Variants in LRRC7 observed in about 807,000 individuals in gnomAD.
The protein encoded by LRRC7 is leucine-rich repeat-containing protein 7.
In LRRC7, 23 loss-of-function variants were observed where a neutral mutation model predicts 175.7. The observed-to-expected ratio is 0.13, with a 90% CI of 0.09 to 0.19. LRRC7 has a LOEUF of 0.19. Ranked by LOEUF, LRRC7 falls within the 10% of genes least tolerant of loss-of-function variation. The pLI is 1.00. For synonymous variants in LRRC7, 685 were observed against 680.9 expected, an observed-to-expected ratio of 1.01 and a Z score of -0.09; for missense variants, 1,354 against 1,904.7, an observed-to-expected ratio of 0.71 and a Z score of 5.38.
chr1:69,669,528 T>C (rs1658753995), intron 1 of LRRC7, among the ~76,000 whole-genome samples: 1 of 152,226 alleles, frequency 6.6e-6, no homozygotes, highest in African/African-American at 2.4e-5. Context: ...GGGAGTTTGA[T>C]TATTAAATGA....
At chr1:69,640,383 G>A (rs1264403) in intron 1 of LRRC7, among the ~76,000 whole-genome samples, 31,105 of 151,396 alleles carry the variant, frequency 0.21, 3,898 homozygotes, top group South Asian at 0.29. Flanking sequence ...TTTGACTTGT[G>A]TAATAGATAC....
chr1:69,821,614 G>T (rs183947447), intron 4 of LRRC7, among the ~76,000 whole-genome samples: 8 of 152,104 alleles, frequency 5.3e-5, no homozygotes, highest in Admixed American at 5.3e-4. Flanking sequence ...AGAAAATTGT[G>T]TTCACATGGT....
At chr1:70,045,743 A>G (rs1259463064) in intron 22 of LRRC7, among the ~76,000 whole-genome samples, 1 of 152,160 alleles carries the variant, frequency 6.6e-6, no homozygotes, top group Non-Finnish European at 1.5e-5. Context: ...ACAGTTCCAC[A>G]TGGCTGGGGG....
intron 1 of LRRC7, among the ~76,000 whole-genome samples, chr1:69,591,541 C>T (rs1002929696): frequency 1.3e-5 from 2 of 152,078 alleles, no homozygotes; most frequent in East Asian, 1.9e-4. Context: ...CGATAGCTTC[C>T]GTGATGGATT....
chr1:69,869,140 A>G (rs12564295), intron 7 of LRRC7, among the ~76,000 whole-genome samples: 57,574 of 151,822 alleles, frequency 0.38, 12,943 homozygotes, highest in East Asian at 0.55. Context: ...GTTAAATTTC[A>G]TTTGGTAATC....
At chr1:69,919,790 G>C (rs895123476) in intron 7 of LRRC7, 7 of 858,522 alleles carry the variant, frequency 8.2e-6, no homozygotes, top group Admixed American at 2.0e-5. Flanking sequence ...GGAGATGAGC[G>C]GGACAGTGTT....
rs1216774297 is a variant in LRRC7 at position 70,013,083 on chromosome 1, A to G, written c.1244A>G (p.Asp415Gly). 1.3e-6 allele frequency: 2 copies of G among 1,541,314 alleles called. No individual in the cohort carries two copies. The highest frequency in any genetic ancestry group is 1.9e-5 in the Admixed American group (1 of 53,948). The stretch of plus-strand genomic sequence containing the variant: ...AAACTAAGAGTCCTAAATTTGAGTG[A>G]CAACAGGTATTTTTGCAACATTTCA... ...MQKLRVLNLS[D>G]NRLKNLPFSF... is the part of the protein sequence containing the mutation. The change falls in exon 13 of 27, where the codon GAC (aspartate) becomes GGC (glycine). Residue 415 changes from aspartate to glycine, a missense_variant. By Grantham distance (94) the Asp-to-Gly change is moderately conservative. This residue lies in a region of LRRC7 where 201 missense variants were observed against 481.4 expected (regional missense o/e 0.42). Coordinates refer to ENST00000651989, the MANE Select transcript of LRRC7 (RefSeq NM_001370785.2).
intron 2 of LRRC7, among the ~76,000 whole-genome samples, chr1:69,679,728 C>T (rs1570322582): frequency 6.6e-6 from 1 of 152,024 alleles, no homozygotes; most frequent in Admixed American, 6.6e-5. Flanking sequence ...GTCTCTGGTA[C>T]AGTTCTGTAA....
At position 69,761,704 on chromosome 1, in the gene LRRC7, T is replaced by C. The variant is rs2100944163; in HGVS notation, c.303+1311T>C. The stretch of plus-strand genomic sequence containing the variant: ...AGCCTGGAGTGAAATAGACTGTCTG[T>C]TGTACCAGATGAGGAACTACTTAAG... On this transcript the variant is annotated intron_variant, in intron 3 of 26. Transcript: ENST00000651989. Among the ~76,000 whole-genome samples, 2 of 152,088 alleles carry C rather than the reference T, an allele frequency of 1.3e-5. 1 individual carries two copies. Among genetic ancestry groups the C allele is most frequent in the South Asian group, 4.1e-4 (2 of 4,826 alleles).
At chr1:69,766,080 G>GA (rs1200050795) in intron 3 of LRRC7, among the ~76,000 whole-genome samples, 1 of 151,456 alleles carries the variant, frequency 6.6e-6, no homozygotes, top group East Asian at 1.9e-4. Flanking sequence ...CAATTGCAGA[G>GA]AAAAAAATAT....
intron 7 of LRRC7, among the ~76,000 whole-genome samples, chr1:69,921,859 AC>A (rs1646897797): frequency 6.6e-6 from 1 of 152,144 alleles, no homozygotes; most frequent in African/African-American, 2.4e-5. Context: ...GTGCTTACCT[AC>A]ATATTATTTC....
chr1:69,882,343 C>G (rs1481129151), intron 7 of LRRC7, among the ~76,000 whole-genome samples: 1 of 152,144 alleles, frequency 6.6e-6, no homozygotes, highest in Non-Finnish European at 1.5e-5. Flanking sequence ...TATGATCCAG[C>G]AATTCCCCTT....
In LRRC7 at chr1:69,886,957, G is replaced by C. The variant is rs1415886889; in HGVS notation, c.648-44550G>C. On this transcript the variant is annotated intron_variant, in intron 7 of 26. Transcript: ENST00000651989. ...GTTGAAAATTGGCCCCCACTCCCTT[G>C]TGGCTTGTAGGGTTTCTGCCGAGAG... 7.2e-5 allele frequency among the ~76,000 whole-genome samples: 11 copies of C among 152,050 alleles called. No individual in the cohort carries two copies. The South Asian group carries it at 2.3e-3, about 32-fold the overall frequency.
At chr1:69,781,730 A>G (rs1299313678) in intron 3 of LRRC7, among the ~76,000 whole-genome samples, 34 of 31,308 alleles carry the variant, frequency 1.1e-3, no homozygotes, top group Non-Finnish European at 1.7e-3. Context: ...AAAGAAAGAA[A>G]GAAAGAGAGA....
intron 5 of LRRC7, among the ~76,000 whole-genome samples, chr1:69,828,420 C>A (rs1680168978): frequency 6.6e-6 from 1 of 152,100 alleles, no homozygotes; most frequent in Non-Finnish European, 1.5e-5. Context: ...TGTTCTTCAT[C>A]TTTGCCAGAA....
intron 3 of LRRC7, among the ~76,000 whole-genome samples, chr1:69,764,777 A>ATAGATAGATAGT (rs1671444377): frequency 6.8e-6 from 1 of 147,568 alleles, no homozygotes; most frequent in Non-Finnish European, 1.5e-5. Flanking sequence ...AGATAGATAG[A>ATAGATAGATAGT]TAGACAGACA....
chr1:69,721,256 G>A (rs910231768), intron 2 of LRRC7, among the ~76,000 whole-genome samples: 3 of 151,764 alleles, frequency 2.0e-5, no homozygotes, highest in Non-Finnish European at 4.4e-5. Context: ...GTTTACATTA[G>A]GTTTTACTCC....
intron 2 of LRRC7, among the ~76,000 whole-genome samples, chr1:69,737,860 T>A (rs1219221474): frequency 5.3e-5 from 8 of 152,094 alleles, no homozygotes; most frequent in Non-Finnish European, 1.0e-4. Flanking sequence ...GATCAAAGAC[T>A]AAGAAGCTGA....
At chr1:69,767,691 G>C (rs1671774561) in intron 3 of LRRC7, among the ~76,000 whole-genome samples, 1 of 151,994 alleles carries the variant, frequency 6.6e-6, no homozygotes, top group Non-Finnish European at 1.5e-5. Flanking sequence ...CAAACTCCTA[G>C]CCTCAAGTGA....
Sources: allele counts gnomAD v4.1 joint callset (sites outside exome capture counted in the v4.1 genomes callset), GRCh38; gene constraint gnomAD v4.1.1; regional missense constraint gnomAD v4.1.1; transcripts MANE v1.5; gene names NCBI Gene and HGNC (gene_info 2026-07-23, HGNC 2026-07-21).